The following CASTOR2 variants were observed in gnomAD, a reference collection of about 807,000 sequenced individuals.
The protein encoded by CASTOR2 is GATS protein like 2.
A neutral mutation model predicts 31.2 loss-of-function variants in CASTOR2; 8 were observed. That is an observed-to-expected ratio of 0.26 (90% CI 0.15 to 0.46). The LOEUF (loss-of-function observed/expected upper bound fraction) is 0.46, where lower values mean the gene tolerates loss of function less well. Among genes scored for constraint, CASTOR2 ranks in the 20% least tolerant of loss-of-function variants. CASTOR2 has a pLI of 0.99. For synonymous variants in CASTOR2, 162 were observed against 158.7 expected (o/e 1.02, Z -0.16); for missense variants, 216 against 382.1 (o/e 0.57, Z 3.62).
At chr7:75,000,053 C>G (rs1310985794) in intron 1 of CASTOR2, among the ~76,000 whole-genome samples, 13 of 152,126 alleles carry the variant, frequency 8.5e-5, no homozygotes, top group Admixed American at 7.9e-4. Flanking sequence ...ATAGCAAGAC[C>G]CCGTCTCCAC....
intron 1 of CASTOR2, among the ~76,000 whole-genome samples, chr7:74,996,895 AT>A (rs1804365452): frequency 1.3e-5 from 2 of 149,784 alleles, no homozygotes; most frequent in African/African-American, 4.9e-5. Flanking sequence ...CGCCCGGCTA[AT>A]TTTTTTGTGT....
At chr7:75,008,482 G>C (rs1804653954) in intron 2 of CASTOR2, among the ~76,000 whole-genome samples, 1 of 152,116 alleles carries the variant, frequency 6.6e-6, no homozygotes, top group Non-Finnish European at 1.5e-5. Flanking sequence ...GATCACTTGA[G>C]CCCAGGAGTT....
chr7:74,986,629 C>G (rs1336381672), intron 1 of CASTOR2, among the ~76,000 whole-genome samples: 1 of 152,146 alleles, frequency 6.6e-6, no homozygotes, highest in Non-Finnish European at 1.5e-5. Context: ...GATCACCTGC[C>G]CCTTACGCCC....
Position 75,015,291 on chromosome 7 carries a change from A to G in CASTOR2, c.185-2307A>G, listed in dbSNP as rs1289711094. On this transcript the variant is annotated intron_variant, in intron 2 of 8. Transcript: ENST00000616305. The stretch of plus-strand genomic sequence containing the variant: ...CCTTTTTATCGATTTATTTTTTGAG[A>G]CAGGGTCTGGCTGTGTCACCTAGGC... Among the ~76,000 whole-genome samples, 62 of 152,008 alleles carry G rather than the reference A, an allele frequency of 4.1e-4. 1 individual carries two copies. The highest frequency in any genetic ancestry group is 1.9e-4 in the Non-Finnish European group (13 of 68,000).
intron 2 of CASTOR2, among the ~76,000 whole-genome samples, chr7:75,010,794 C>T (rs1254188226): frequency 1.3e-5 from 2 of 151,616 alleles, no homozygotes. Context: ...AACCAGGCTG[C>T]TTAGAAATCT....
intron 1 of CASTOR2, among the ~76,000 whole-genome samples, chr7:74,994,926 G>A (rs1490001581): frequency 6.6e-6 from 1 of 152,108 alleles, no homozygotes; most frequent in Non-Finnish European, 1.5e-5. Context: ...CTGGGGAGGA[G>A]AAGAGCAGCC....
At chr7:75,022,107 T>C in intron 7 of CASTOR2, 151 bp downstream of exon 7, 1 of 907,438 alleles carries the variant, frequency 1.1e-6, no homozygotes, top group South Asian at 1.4e-5. Flanking sequence ...TGCTCACTGG[T>C]GTGTGGCAGC....
intron 1 of CASTOR2, among the ~76,000 whole-genome samples, chr7:74,983,391 C>G (rs1803991376): frequency 6.7e-6 from 1 of 149,850 alleles, no homozygotes; most frequent in Non-Finnish European, 1.5e-5. Flanking sequence ...TACAATTTCC[C>G]TCCTGCAGCT....
intron 1 of CASTOR2, among the ~76,000 whole-genome samples, chr7:74,991,074 GAAAAA>G (rs587606119): frequency 2.9e-5 from 4 of 136,566 alleles, no homozygotes; most frequent in South Asian, 4.7e-4. Flanking sequence ...ACCCTGTCTG[GAAAAA>G]AAAAAAAAAG....
intron 1 of CASTOR2, among the ~76,000 whole-genome samples, chr7:75,003,106 A>G (rs1272791021): frequency 6.6e-6 from 1 of 152,064 alleles, no homozygotes; most frequent in Non-Finnish European, 1.5e-5. Flanking sequence ...GACAAGAAAC[A>G]CAGCAGATGT....
intron 1 of CASTOR2, among the ~76,000 whole-genome samples, chr7:74,972,748 C>T (rs1488552100): frequency 6.7e-6 from 1 of 150,240 alleles, no homozygotes; most frequent in Non-Finnish European, 1.5e-5. Context: ...GGCGCAATCT[C>T]GGCTCACTGC....
chr7:75,011,578 C>G (rs1392562069), intron 2 of CASTOR2, among the ~76,000 whole-genome samples: 6 of 150,944 alleles, frequency 4.0e-5, no homozygotes, highest in African/African-American at 1.5e-4. Flanking sequence ...ACTAAAAATA[C>G]AAAAAAAATT....
chr7:75,001,001 A>G (rs1219491410), intron 1 of CASTOR2, among the ~76,000 whole-genome samples: 3 of 152,158 alleles, frequency 2.0e-5, no homozygotes, highest in Admixed American at 6.5e-5. Flanking sequence ...GCTTGTTCCC[A>G]GGCAAGCTAG....
intron 2 of CASTOR2, 137 bp from the exon 3 acceptor site, chr7:75,017,460 TC>T: frequency 9.5e-7 from 1 of 1,052,504 alleles, no homozygotes; most frequent in Non-Finnish European, 1.4e-6. Flanking sequence ...AAAAAAAAAA[TC>T]CTGTTGGAAA....
intron 7 of CASTOR2, among the ~76,000 whole-genome samples, chr7:75,023,265 G>A (rs1048323958): frequency 2.6e-5 from 4 of 151,532 alleles, no homozygotes; most frequent in Admixed American, 6.6e-5. Context: ...CCGAGATGGC[G>A]CCACTGCACT....
At chr7:74,994,165 T>C (rs1804283055) in intron 1 of CASTOR2, among the ~76,000 whole-genome samples, 2 of 152,256 alleles carry the variant, frequency 1.3e-5, no homozygotes, top group African/African-American at 4.8e-5. Context: ...GCTACTCAGC[T>C]TCTCGGCCCA....
At chr7:74,977,250 C>T (rs1803837270) in intron 1 of CASTOR2, among the ~76,000 whole-genome samples, 1 of 150,900 alleles carries the variant, frequency 6.6e-6, no homozygotes, top group South Asian at 2.1e-4. Flanking sequence ...CTGCACACGG[C>T]TGGAAAGGTT....
In CASTOR2 at chr7:75,020,142, C is replaced by A; in HGVS notation, c.739C>A (p.Gln247Lys). 1 of 1,551,512 alleles carries A rather than the reference C, an allele frequency of 6.4e-7. No homozygotes were observed. Among genetic ancestry groups the A allele is most frequent in the Non-Finnish European group, 8.7e-7 (1 of 1,146,840 alleles). Reference protein sequence around the residue: ...YISLVMDVQTQQRFPSNLLFT... With the variant: ...YISLVMDVQTKQRFPSNLLFT... ...CTCCCTGGTGATGGACGTGCAGACG[C>A]AGCAGAGGTGAGCCAGGCCCTGGGG... Residue 247 changes from glutamine (Q) to lysine (K), a missense_variant, in exon 6 of 9, where the codon CAG (glutamine) becomes AAG (lysine). Gln to Lys is a moderately conservative substitution (Grantham distance 53, BLOSUM62 1). Transcript: ENST00000616305.
intron 1 of CASTOR2, among the ~76,000 whole-genome samples, chr7:74,972,925 G>A (rs1584456612): frequency 6.8e-6 from 1 of 147,968 alleles, no homozygotes; most frequent in Admixed American, 6.8e-5. Context: ...TGATCTGCCC[G>A]TCTGGGCCTC....
Sources: allele counts gnomAD v4.1 joint callset (sites outside exome capture counted in the v4.1 genomes callset), GRCh38; gene constraint gnomAD v4.1.1; transcripts MANE v1.5; gene names NCBI Gene and HGNC (gene_info 2026-07-23, HGNC 2026-07-21).